The following GUCY2C variants were observed in gnomAD, a reference collection of about 807,000 sequenced individuals.
GUCY2C encodes guanylyl cyclase C.
GUCY2C carries 118 observed loss-of-function variants against 131.1 expected under a neutral mutation model. The observed-to-expected ratio is 0.90, with a 90% CI of 0.78 to 1.05. The LOEUF (loss-of-function observed/expected upper bound fraction) is 1.05. Among genes scored for constraint, GUCY2C ranks in the 50% least tolerant of loss-of-function variants. The probability of loss-of-function intolerance (pLI) is 0.00; values close to 1 mark genes in which losing one functional copy is unlikely to be tolerated. For missense variants in GUCY2C, 1,161 were observed against 1,304.4 expected, an observed-to-expected ratio of 0.89 and a Z score of 1.69; for synonymous variants, 452 against 457.8, an observed-to-expected ratio of 0.99 and a Z score of 0.16.
At chr12:14,657,477 T>G (rs756052600) in intron 11 of GUCY2C, among the ~76,000 whole-genome samples, 1 of 152,088 alleles carries the variant, frequency 6.6e-6, no homozygotes, top group South Asian at 2.1e-4. Context: ...GGTCCCCAGA[T>G]AGTGTAGGTT....
Position 14,622,200 on chromosome 12 carries a change from A to G in GUCY2C, c.2409-3T>C. On this transcript the variant is annotated splice_region_variant and splice_polypyrimidine_tract_variant and intron_variant, in intron 21 of 26. Coordinates refer to ENST00000261170, the MANE Select transcript of GUCY2C (RefSeq NM_004963.4). ...CCTTCAGAGACTTTACCACTAGCCT[A>G]GATGAACGAAGGGAAAAAAAATGCC... 1 of 1,481,930 alleles carries G rather than the reference A, an allele frequency of 6.7e-7. No individual in the cohort carries two copies. Among genetic ancestry groups the G allele is most frequent in the Non-Finnish European group, 8.9e-7 (1 of 1,118,852 alleles). The allele number at this position is 1,481,930 out of a possible 1,614,324, so 91.8% of individuals were successfully genotyped here. A position where few individuals can be genotyped will look rare whatever the true frequency, so the allele number is the denominator to read the frequency against.
intron 12 of GUCY2C, among the ~76,000 whole-genome samples, chr12:14,654,603 G>T (rs570549066): frequency 6.6e-6 from 1 of 152,290 alleles, no homozygotes; most frequent in South Asian, 2.1e-4. Flanking sequence ...AAACTGACAA[G>T]AAATGGATGA....
At chr12:14,693,801 G>C (rs1339969789) in intron 1 of GUCY2C, among the ~76,000 whole-genome samples, 2 of 152,210 alleles carry the variant, frequency 1.3e-5, no homozygotes, top group African/African-American at 4.8e-5. Context: ...GTGAAACTCG[G>C]AGATGATAAA....
intron 10 of GUCY2C, among the ~76,000 whole-genome samples, chr12:14,665,165 G>C (rs983127600): frequency 6.7e-6 from 1 of 150,170 alleles, no homozygotes; most frequent in Non-Finnish European, 1.5e-5. Context: ...GCAGTGAGCC[G>C]AGATTGGGCC....
At chr12:14,649,435 C>G (rs879478145) in intron 15 of GUCY2C, among the ~76,000 whole-genome samples, 1 of 152,086 alleles carries the variant, frequency 6.6e-6, no homozygotes, top group African/African-American at 2.4e-5. Context: ...AAAACATGAA[C>G]ATACTCCAAA....
At chr12:14,672,178 T>C (rs1281324170) in intron 9 of GUCY2C, 1 of 152,238 alleles carries the variant, frequency 6.6e-6, no homozygotes. Context: ...GTGGCTTTTA[T>C]AGTTTGGATG....
intron 8 of GUCY2C, 34 bp from the exon 9 acceptor site, chr12:14,672,992 C>A: frequency 7.8e-7 from 1 of 1,273,982 alleles, no homozygotes; most frequent in Non-Finnish European, 1.1e-6. Context: ...AGAGGCCATT[C>A]TTGATTTTTG....
intron 12 of GUCY2C, among the ~76,000 whole-genome samples, chr12:14,655,913 A>G (rs1429279070): frequency 6.6e-6 from 1 of 152,126 alleles, no homozygotes; most frequent in African/African-American, 2.4e-5. Flanking sequence ...CTTACTCATT[A>G]GTTGTATGTG....
intron 19 of GUCY2C, among the ~76,000 whole-genome samples, chr12:14,635,816 A>C (rs1048954349): frequency 6.6e-6 from 1 of 152,322 alleles, no homozygotes; most frequent in Admixed American, 6.5e-5. Flanking sequence ...ATCAGAGACT[A>C]TTATGAACAA....
Position 14,641,228 on chromosome 12 carries a change from G to T in GUCY2C, c.1931-9C>A. 6.2e-7 allele frequency: 1 copy of T among 1,612,696 alleles called. No individual in the cohort carries two copies. ...TGGAGCTGTCCACAGGTCTGTAAAT[G>T]TAGACATTGAGATTACAAAGTTGAG... On this transcript the variant is annotated splice_polypyrimidine_tract_variant and intron_variant, in intron 17 of 26. Transcript: ENST00000261170.
Position 14,683,138 on chromosome 12 carries a change from AC to A in GUCY2C, c.514del (p.Val172LeufsTer55). On this transcript the variant is annotated frameshift_variant, in exon 4 of 27. Coordinates refer to ENST00000261170, the MANE Select transcript of GUCY2C (RefSeq NM_004963.4). LOFTEE classifies it high-confidence loss of function. Reference sequence around the variant, plus strand: ...CAGATCGTTGGTTTTCCAAAAGTTAACCAAGAAGTACATCAACTTTCTAGCT... The same window carrying A: ...CAGATCGTTGGTTTTCCAAAAGTTAACAAGAAGTACATCAACTTTCTAGCT... ...SPARKLMYFL[V>X]NFWKTNDLPF... 3 of 1,613,382 alleles carry A rather than the reference AC, an allele frequency of 1.9e-6. No homozygotes were observed. The highest frequency in any genetic ancestry group is 2.5e-6 in the Non-Finnish European group (3 of 1,179,366).
chr12:14,687,895 T>G, intron 2 of GUCY2C, 56 bp downstream of exon 2: 1 of 925,356 alleles, frequency 1.1e-6, no homozygotes, highest in South Asian at 1.3e-5. Flanking sequence ...CATTTCACAC[T>G]GGGATTATCC....
At chr12:14,666,881 G>C (rs1283473016) in intron 10 of GUCY2C, among the ~76,000 whole-genome samples, 1 of 152,184 alleles carries the variant, frequency 6.6e-6, no homozygotes, top group Non-Finnish European at 1.5e-5. Context: ...GTAAGTAACA[G>C]TTAAGTATTG....
chr12:14,616,818 A>G, intron 24 of GUCY2C, 91 bp from the exon 25 acceptor site: 2 of 764,560 alleles, frequency 2.6e-6, no homozygotes, highest in Admixed American at 3.7e-5. Context: ...ACCTGAGACA[A>G]GAATCCTAAA....
intron 12 of GUCY2C, among the ~76,000 whole-genome samples, chr12:14,654,172 G>A (rs185074770): frequency 5.3e-5 from 8 of 152,226 alleles, no homozygotes; most frequent in Admixed American, 5.2e-4. Context: ...TGACTTGCCT[G>A]ATTTCTTTTG....
At position 14,613,216 on chromosome 12, in the gene GUCY2C, C is replaced by A. The variant is rs11056059; in HGVS notation, c.3123G>T (p.Gly1041=). ...CCCGTCTGGGTTTTTGGCTTCTTAT[C>A]CCTGCTGCCTGTCTTTTCTGTAAAG... ...ANSLQKRQAA[G]IRSQKPRRVA... The change falls in exon 27 of 27, where the codon GGG becomes GGT. Residue 1041 remains glycine, a synonymous_variant. Coordinates refer to ENST00000261170, the MANE Select transcript of GUCY2C (RefSeq NM_004963.4). This position sits in a 1 kb window ranked among gnomAD's most constrained non-coding sequence, Gnocchi z 4.9. 1 of 1,613,408 alleles carries A rather than the reference C, an allele frequency of 6.2e-7. No homozygotes were observed. The highest frequency in any genetic ancestry group is 2.2e-5 in the East Asian group (1 of 44,866).
At chr12:14,655,414 G>C (rs1947744784) in intron 12 of GUCY2C, among the ~76,000 whole-genome samples, 1 of 152,266 alleles carries the variant, frequency 6.6e-6, no homozygotes, top group East Asian at 1.9e-4. Flanking sequence ...GGTCACATTG[G>C]AGCATGTCAT....
At chr12:14,656,225 C>G (rs753098593) in intron 12 of GUCY2C, among the ~76,000 whole-genome samples, 1 of 152,128 alleles carries the variant, frequency 6.6e-6, no homozygotes, top group Non-Finnish European at 1.5e-5. Context: ...TTCCTACATC[C>G]CTTCCATGGC....
At chr12:14,691,324 G>T (rs1020944035) in intron 1 of GUCY2C, among the ~76,000 whole-genome samples, 1 of 152,184 alleles carries the variant, frequency 6.6e-6, no homozygotes, top group Non-Finnish European at 1.5e-5. Context: ...GGGTTTAATA[G>T]CAGTTCACAC....
Sources: allele counts gnomAD v4.1 joint callset (sites outside exome capture counted in the v4.1 genomes callset), GRCh38; gene constraint gnomAD v4.1.1; non-coding constraint Gnocchi (gnomAD v3.1); transcripts MANE v1.5; gene names NCBI Gene and HGNC (gene_info 2026-07-23, HGNC 2026-07-21).